Variants in RAB3GAP2 observed in about 807,000 individuals in gnomAD.
RAB3GAP2 encodes the protein RAB3 GTPase activating non-catalytic protein subunit 2, also known as rab3 GTPase-activating protein non-catalytic subunit.
A neutral mutation model predicts 185.3 loss-of-function variants in RAB3GAP2; 87 were observed. That is an observed-to-expected ratio of 0.47 (90% confidence interval 0.39 to 0.56). The LOEUF is 0.56. Among genes scored for constraint, RAB3GAP2 ranks in the 20% least tolerant of loss-of-function variants. The pLI is 0.00. For synonymous variants in RAB3GAP2, 554 were observed against 576.1 expected (o/e 0.96, Z 0.55); for missense variants, 1,492 against 1,638.2 (o/e 0.91, Z 1.54).
chr1:220,196,879 T>C (rs1340697054), intron 9 of RAB3GAP2, among the ~76,000 whole-genome samples: 1 of 152,016 alleles, frequency 6.6e-6, no homozygotes, highest in Non-Finnish European at 1.5e-5. Flanking sequence ...ATAATTTCCA[T>C]AATCTATAGA....
At chr1:220,225,046 T>A (rs982704102) in intron 2 of RAB3GAP2, among the ~76,000 whole-genome samples, 11 of 152,150 alleles carry the variant, frequency 7.2e-5, no homozygotes, top group African/African-American at 2.7e-4. Context: ...TAACAGAAGC[T>A]ACTCTGCAGG....
At chr1:220,255,659 A>C (rs923882883) in intron 1 of RAB3GAP2, among the ~76,000 whole-genome samples, 1 of 152,218 alleles carries the variant, frequency 6.6e-6, no homozygotes, top group Non-Finnish European at 1.5e-5. Flanking sequence ...AGCAGAACAG[A>C]CCAAGTGGAG....
chr1:220,159,331 T>C (rs1026624778), intron 29 of RAB3GAP2, 55 bp downstream of exon 29: 1 of 1,395,134 alleles, frequency 7.2e-7, no homozygotes, highest in Non-Finnish European at 1.0e-6. Flanking sequence ...AATAAAGTAC[T>C]ACATAAAAGT....
chr1:220,254,208 G>A lies in RAB3GAP2; in HGVS notation c.115+18015C>T, dbSNP rs376402481. ...GAAACACAGATAATAAGGAGTATGC[G>A]GTTAATGAAGTTGTGGCAGGGATAA... On this transcript the variant is annotated intron_variant, in intron 1 of 34. Coordinates refer to ENST00000358951, the MANE Select transcript of RAB3GAP2 (RefSeq NM_012414.4). 1.6e-3 allele frequency: 2,647 copies of A among 1,613,452 alleles called. 64 individuals carry two copies. In the South Asian group the frequency reaches 0.027, roughly 16 times the overall value.
chr1:220,181,821 G>C (rs186557566), intron 21 of RAB3GAP2, among the ~76,000 whole-genome samples: 81 of 152,136 alleles, frequency 5.3e-4, no homozygotes, highest in Middle Eastern at 6.8e-3. Flanking sequence ...CGGTCATGCG[G>C]GGAGGATTGC....
chr1:220,179,815 A>C (rs1425277355), intron 21 of RAB3GAP2, among the ~76,000 whole-genome samples: 1 of 152,224 alleles, frequency 6.6e-6, no homozygotes, highest in African/African-American at 2.4e-5. Flanking sequence ...TTCTTGAAAA[A>C]ATAAAAATGG....
At chr1:220,212,364 C>T (rs781533674) in intron 4 of RAB3GAP2, among the ~76,000 whole-genome samples, 1 of 152,158 alleles carries the variant, frequency 6.6e-6, no homozygotes, top group Non-Finnish European at 1.5e-5. Flanking sequence ...AATCTTCCAA[C>T]AGAATTTTTT....
At chr1:220,185,908 A>G (rs558626582) in intron 17 of RAB3GAP2, among the ~76,000 whole-genome samples, 167 bp from the exon 18 acceptor site, 6 of 152,318 alleles carry the variant, frequency 3.9e-5, no homozygotes, top group Admixed American at 2.0e-4. Context: ...TTGTTAAGTA[A>G]TATACAATCA....
In RAB3GAP2 at chr1:220,212,941, T is replaced by C. The variant is rs1659110345; in HGVS notation, c.332A>G (p.Lys111Arg). The C allele has an allele frequency of 6.2e-7, 1 of 1,613,180 alleles. No individual in the cohort carries two copies. The highest frequency in any genetic ancestry group is 1.1e-5 in the South Asian group (1 of 91,040). The change falls in exon 4 of 35, where the codon AAG becomes AGG. Residue 111 changes from lysine (K) to arginine (R), a missense_variant. Coordinates refer to ENST00000358951, the MANE Select transcript of RAB3GAP2 (RefSeq NM_012414.4). The stretch of plus-strand genomic sequence containing the variant: ...GCCAACAGCAAATTGCATTTCTTCC[T>C]TTCCTTTATCACTATATTTCCATTT... ...VPKWKYSDKG[K>R]EEMQFAVGWS...
At chr1:220,172,184 C>G in intron 22 of RAB3GAP2, 135 bp from the exon 23 acceptor site, 1 of 826,772 alleles carries the variant, frequency 1.2e-6, no homozygotes, top group Non-Finnish European at 2.0e-6. Flanking sequence ...AAGTGGAAGT[C>G]TAACAATCTA....
intron 19 of RAB3GAP2, 136 bp downstream of exon 19, chr1:220,183,899 AG>A (rs1250360054): frequency 6.2e-6 from 4 of 642,510 alleles, no homozygotes; most frequent in Non-Finnish European, 1.0e-5. Context: ...GAGAGCTAGC[AG>A]GGGGCTTGGT....
intron 24 of RAB3GAP2, among the ~76,000 whole-genome samples, 172 bp from the exon 25 acceptor site, chr1:220,167,847 C>T (rs1401318120): frequency 6.6e-6 from 1 of 152,172 alleles, no homozygotes; most frequent in Non-Finnish European, 1.5e-5. Flanking sequence ...TACCACGCAA[C>T]TTGTGAGGGC....
chr1:220,230,996 C>G (rs1400838905), intron 2 of RAB3GAP2, among the ~76,000 whole-genome samples: 1 of 152,192 alleles, frequency 6.6e-6, no homozygotes, highest in Non-Finnish European at 1.5e-5. Flanking sequence ...CTCAACTAAG[C>G]TACTGCAACA....
chr1:220,196,197 C>A (rs1658719615), intron 10 of RAB3GAP2, 53 bp downstream of exon 10: 15 of 1,579,834 alleles, frequency 9.5e-6, no homozygotes, highest in Non-Finnish European at 1.1e-5. Flanking sequence ...AATTTGTAGA[C>A]AAATTGTAAA....
intron 1 of RAB3GAP2, chr1:220,267,192 A>C (rs1660243402): frequency 1.0e-6 from 1 of 974,722 alleles, no homozygotes; most frequent in Admixed American, 1.7e-5. Context: ...AAGACAGGGC[A>C]CTTGCCAATT....
At position 220,245,775 on chromosome 1, in the gene RAB3GAP2, A is replaced by T. The variant is rs1047170409; in HGVS notation, c.116-12912T>A. On this transcript the variant is annotated intron_variant, in intron 1 of 34. Transcript: ENST00000358951. ...GCAGACTTAAATGTCCCTGTCTGAC[A>T]GCTTTGAAGAGAGCAGTGGTTCTCC... Among the ~76,000 whole-genome samples, 10 of 152,304 alleles carry T rather than the reference A, an allele frequency of 6.6e-5. No homozygotes were observed. In the East Asian group the frequency reaches 1.9e-3, roughly 30 times the overall value.
intron 1 of RAB3GAP2, among the ~76,000 whole-genome samples, chr1:220,252,178 TGAA>T (rs746364708): frequency 1.9e-3 from 223 of 119,708 alleles, no homozygotes; most frequent in Non-Finnish European, 2.7e-3. Flanking sequence ...AAAGAGAAAA[TGAA>T]GAAAAAAAAC....
chr1:220,176,187 C>T (rs1658286111), intron 21 of RAB3GAP2, among the ~76,000 whole-genome samples: 2 of 151,996 alleles, frequency 1.3e-5, no homozygotes, highest in South Asian at 2.1e-4. Flanking sequence ...CTAACAGTCA[C>T]AACAAAGAAT....
At chr1:220,157,183 C>G (rs1407445509) in intron 31 of RAB3GAP2, 87 bp downstream of exon 31, 1 of 1,170,590 alleles carries the variant, frequency 8.5e-7, no homozygotes, top group Admixed American at 2.0e-5. Context: ...CACAAAAGTA[C>G]TGGACAGCTT....
Sources: allele counts gnomAD v4.1 joint callset (sites outside exome capture counted in the v4.1 genomes callset), GRCh38; gene constraint gnomAD v4.1.1; transcripts MANE v1.5; gene names NCBI Gene and HGNC (gene_info 2026-07-23, HGNC 2026-07-21).